The following PDGFRL variants were observed in gnomAD, a reference collection of about 807,000 sequenced individuals.
PDGFRL encodes platelet-derived growth factor receptor-like protein.
In PDGFRL, 46 loss-of-function variants were observed where a neutral mutation model predicts 37.2. That is an observed-to-expected ratio of 1.24 (90% CI 0.98 to 1.58). PDGFRL has a LOEUF of 1.58. Ranked by LOEUF, PDGFRL falls within the 40% of genes most tolerant of loss-of-function variation. The pLI is 0.00. For synonymous variants in PDGFRL, 251 were observed against 184.3 expected (o/e 1.36, Z -2.93); for missense variants, 692 against 467.6 (o/e 1.48, Z -4.43).
intron 4 of PDGFRL, among the ~76,000 whole-genome samples, chr8:17,629,734 C>G (rs1170947324): frequency 1.3e-5 from 2 of 152,136 alleles, no homozygotes; most frequent in African/African-American, 2.4e-5. Context: ...CTCAGATATT[C>G]CCACCCTCAT....
intron 2 of PDGFRL, among the ~76,000 whole-genome samples, chr8:17,614,702 C>T (rs181150422): frequency 3.5e-4 from 53 of 152,304 alleles, no homozygotes; most frequent in Middle Eastern, 3.4e-3. Context: ...CCTCAGCCTC[C>T]CAAGTAGCTG....
intron 1 of PDGFRL, 83 bp from the exon 2 acceptor site, chr8:17,589,385 C>CA (rs34147348): frequency 6.1e-4 from 461 of 754,120 alleles, no homozygotes; most frequent in African/African-American, 2.9e-3. Context: ...GAATCTGTCT[C>CA]AAAAAAAAAA....
At chr8:17,586,511 G>C (rs905469958) in intron 1 of PDGFRL, among the ~76,000 whole-genome samples, 1 of 152,218 alleles carries the variant, frequency 6.6e-6, no homozygotes, top group African/African-American at 2.4e-5. Context: ...TCTAGACTTG[G>C]AGTCAGAGGG....
intron 1 of PDGFRL, among the ~76,000 whole-genome samples, chr8:17,587,250 G>C (rs531248313): frequency 6.6e-6 from 1 of 152,252 alleles, no homozygotes; most frequent in African/African-American, 2.4e-5. Flanking sequence ...ATTTTGCATA[G>C]ATAATAGCAA....
chr8:17,620,375 G>A (rs1409100619), intron 2 of PDGFRL, among the ~76,000 whole-genome samples: 1 of 152,162 alleles, frequency 6.6e-6, no homozygotes, highest in Non-Finnish European at 1.5e-5. Flanking sequence ...TCAGTTTTTA[G>A]TGATAGATTT....
chr8:17,580,724 C>T (rs117177988), intron 1 of PDGFRL, among the ~76,000 whole-genome samples: 5,815 of 152,264 alleles, frequency 0.038, 130 homozygotes, highest in East Asian at 0.079. Flanking sequence ...GGCTTTAAAA[C>T]CGCAGAAGTT....
chr8:17,627,273 G>A (rs951531894), intron 3 of PDGFRL, among the ~76,000 whole-genome samples: 5 of 152,174 alleles, frequency 3.3e-5, no homozygotes, highest in African/African-American at 1.2e-4. Flanking sequence ...TGAGTTTGCT[G>A]TAATTTGGAT....
At chr8:17,602,120 C>T (rs944949429) in intron 2 of PDGFRL, among the ~76,000 whole-genome samples, 5 of 151,962 alleles carry the variant, frequency 3.3e-5, no homozygotes, top group Non-Finnish European at 7.4e-5. Flanking sequence ...ACCTTGACGG[C>T]ATCTGTTATT....
chr8:17,580,972 TGTCTC>T (rs1472736574), intron 1 of PDGFRL, among the ~76,000 whole-genome samples: 1 of 152,008 alleles, frequency 6.6e-6, no homozygotes, highest in Non-Finnish European at 1.5e-5. Context: ...TGTGTGTGTG[TGTCTC>T]CTCATAAGAA....
chr8:17,599,398 T>C (rs1010609689), intron 2 of PDGFRL, among the ~76,000 whole-genome samples: 2 of 152,244 alleles, frequency 1.3e-5, no homozygotes, highest in African/African-American at 4.8e-5. Context: ...TTATGATGTT[T>C]TCTATTCCTG....
At chr8:17,638,028 T>G (rs192542378) in intron 5 of PDGFRL, among the ~76,000 whole-genome samples, 1 of 152,306 alleles carries the variant, frequency 6.6e-6, no homozygotes, top group Admixed American at 6.5e-5. Flanking sequence ...TCTTTTGTAT[T>G]TTTTTGGTTC....
chr8:17,627,992 T>C (rs895450156), intron 3 of PDGFRL, among the ~76,000 whole-genome samples: 5 of 125,568 alleles, frequency 4.0e-5, no homozygotes, highest in Admixed American at 7.8e-5. Context: ...TTTCTTTCTT[T>C]TTTTTTTTTT....
chr8:17,626,176 T>C (rs531121785), intron 3 of PDGFRL, among the ~76,000 whole-genome samples: 1 of 152,324 alleles, frequency 6.6e-6, no homozygotes, highest in African/African-American at 2.4e-5. Flanking sequence ...TTCAATATTA[T>C]CCACTCCAGA....
In PDGFRL at chr8:17,600,763, C is replaced by T. The variant is rs894781417; in HGVS notation, c.353+10998C>T. On this transcript the variant is annotated intron_variant, in intron 2 of 5. Coordinates refer to ENST00000251630, the MANE Select transcript of PDGFRL (RefSeq NM_001372073.1). ...GGCTGTAGTGAACTATGATCTGTGA[C>T]TGTGCTCCAGCCTGGGCAACAGAGC... Among the ~76,000 whole-genome samples, 3 of 150,730 alleles carry T rather than the reference C, an allele frequency of 2.0e-5. No homozygotes were observed. The South Asian group carries it at 6.3e-4, about 32-fold the overall frequency.
chr8:17,584,419 G>C (rs958972917), intron 1 of PDGFRL, among the ~76,000 whole-genome samples: 3 of 151,138 alleles, frequency 2.0e-5, no homozygotes, highest in African/African-American at 4.9e-5. Flanking sequence ...CAGGAGCTAG[G>C]GCAGCTTTCA....
chr8:17,621,405 G>GT (rs111351818), intron 3 of PDGFRL, among the ~76,000 whole-genome samples: 5,077 of 141,018 alleles, frequency 0.036, 162 homozygotes, highest in South Asian at 0.099. Context: ...TATTATTCCT[G>GT]TTTTTTTTTT....
intron 1 of PDGFRL, among the ~76,000 whole-genome samples, chr8:17,580,677 T>C (rs1055927114): frequency 6.6e-6 from 1 of 152,166 alleles, no homozygotes; most frequent in Non-Finnish European, 1.5e-5. Context: ...TCTATTAGGT[T>C]CCTAGGGCTG....
At chr8:17,582,318 G>A (rs1450291778) in intron 1 of PDGFRL, among the ~76,000 whole-genome samples, 1 of 152,086 alleles carries the variant, frequency 6.6e-6, no homozygotes, top group Non-Finnish European at 1.5e-5. Context: ...AGCCGGGCAG[G>A]GTGGCTCACG....
rs905883905 is a variant in PDGFRL at position 17,642,690 on chromosome 8, G to A, written c.1017G>A (p.Gln339=). 2.5e-6 allele frequency: 4 copies of A among 1,603,170 alleles called. No homozygotes were observed. The highest frequency in any genetic ancestry group is 3.4e-6 in the Non-Finnish European group (4 of 1,170,074). The change falls in exon 6 of 6, where the codon CAG becomes CAA. Residue 339 remains glutamine (Q), a synonymous_variant. Transcript: ENST00000251630. ...RGLGHTTRIS[Q]SVITVEDFET... The stretch of plus-strand genomic sequence containing the variant: ...TGGGACACACCACGAGAATCTCCCA[G>A]AGTGTCATTACAGTGGAAGACTTTG...
Sources: allele counts gnomAD v4.1 joint callset (sites outside exome capture counted in the v4.1 genomes callset), GRCh38; gene constraint gnomAD v4.1.1; transcripts MANE v1.5; gene names NCBI Gene and HGNC (gene_info 2026-07-23, HGNC 2026-07-21).